MAPT: variants seen among roughly 807,000 people sequenced by gnomAD.
MAPT encodes microtubule-associated protein tau.
In MAPT, 34 loss-of-function variants were observed where a neutral mutation model predicts 67.9. The observed-to-expected ratio is 0.50, with a 90% CI of 0.38 to 0.67. The LOEUF is 0.67. Among genes scored for constraint, MAPT ranks in the 30% least tolerant of loss-of-function variants. MAPT has a pLI of 0.00. For missense variants in MAPT, 881 were observed against 1,115.2 expected (o/e 0.79, Z 2.99); for synonymous variants, 456 against 464.5 (o/e 0.98, Z 0.23).
At chr17:45,934,079 G>A (rs907924588) in intron 1 of MAPT, among the ~76,000 whole-genome samples, 2 of 152,094 alleles carry the variant, frequency 1.3e-5, no homozygotes, top group African/African-American at 4.8e-5. Flanking sequence ...TTATGGTCAT[G>A]GGCCAGGTGT....
rs186536533 is a variant in MAPT at position 45,962,419 on chromosome 17, G to A, written c.82G>A (p.Gly28Ser). The change falls in exon 2 of 13, where the codon GGC becomes AGC. Residue 28 changes from glycine (G) to serine (S), a missense_variant. Transcript: ENST00000262410. ...GTTGGGGGACAGGAAAGATCAGGGG[G>A]GCTACACCATGCACCAAGACCAAGA... is the stretch of plus-strand genomic sequence containing the variant. ...YGLGDRKDQG[G>S]YTMHQDQEGD... is the part of the protein sequence containing the mutation. 2.5e-6 allele frequency: 4 copies of A among 1,612,754 alleles called. No individual in the cohort carries two copies. In the South Asian group the frequency reaches 3.3e-5, roughly 13 times the overall value.
At chr17:45,981,447 G>C (rs975137586) in intron 4 of MAPT, among the ~76,000 whole-genome samples, 1 of 152,218 alleles carries the variant, frequency 6.6e-6, no homozygotes, top group Non-Finnish European at 1.5e-5. Context: ...GGGTTGGTGT[G>C]CAGCAAGCTG....
intron 1 of MAPT, among the ~76,000 whole-genome samples, chr17:45,961,158 G>A (rs905031424): frequency 2.0e-5 from 3 of 150,904 alleles, no homozygotes; most frequent in South Asian, 2.1e-4. Context: ...GCAACAAAGC[G>A]AGACTCTATC....
Position 45,983,597 on chromosome 17 carries a change from A to T in MAPT, c.1018A>T (p.Ile340Phe). ...CCCAGGCTTCCCAGCGGAGGGTGCCATCCCCCTCCCTGTGGATTTCCTCTC... is the reference window on the plus strand; with the variant it reads ...CCCAGGCTTCCCAGCGGAGGGTGCCTTCCCCCTCCCTGTGGATTTCCTCTC... ...SIPGFPAEGA[I>F]PLPVDFLSKV... Residue 340 changes from isoleucine (I) to phenylalanine (F), a missense_variant, in exon 5 of 13, where the codon ATC (isoleucine) becomes TTC (phenylalanine). Ile to Phe is a conservative substitution (Grantham distance 21, BLOSUM62 0). Around this residue, in one of 6 missense-constraint regions of MAPT, gnomAD observed 687 missense variants for 766.1 expected, o/e 0.90. Coordinates refer to ENST00000262410, the MANE Select transcript of MAPT (RefSeq NM_001377265.1). The T allele has an allele frequency of 6.2e-7, 1 of 1,613,248 alleles. No homozygotes were observed. The highest frequency in any genetic ancestry group is 8.5e-7 in the Non-Finnish European group (1 of 1,179,968).
intron 1 of MAPT, among the ~76,000 whole-genome samples, chr17:45,961,900 C>T (rs541799476): frequency 6.6e-6 from 1 of 152,050 alleles, no homozygotes; most frequent in African/African-American, 2.4e-5. Context: ...CTCAGCCTCC[C>T]CAGTAGCTGG....
chr17:45,906,978 C>G lies in MAPT; in HGVS notation c.-18+12292C>G, dbSNP rs948952965. Among the ~76,000 whole-genome samples the G allele has an allele frequency of 6.6e-6, 1 of 152,186 alleles. No homozygotes were observed. The highest frequency in any genetic ancestry group is 1.5e-5 in the Non-Finnish European group (1 of 68,052). On this transcript the variant is annotated intron_variant, in intron 1 of 12. Coordinates refer to ENST00000262410, the MANE Select transcript of MAPT (RefSeq NM_001377265.1). This position sits in a 1 kb window ranked among gnomAD's most constrained non-coding sequence, Gnocchi z 4.3. ...TATGGAAACAATAATGAGTTGTTCC[C>G]TGTTTCAATTCCAAAATTCATATCC...
chr17:45,939,638 G>A (rs996272212), intron 1 of MAPT, among the ~76,000 whole-genome samples: 6 of 152,194 alleles, frequency 3.9e-5, no homozygotes, highest in African/African-American at 1.4e-4. Context: ...TTACGAGGAG[G>A]TTTCTAATTA....
intron 1 of MAPT, among the ~76,000 whole-genome samples, chr17:45,942,170 G>T (rs186509313): frequency 6.6e-6 from 1 of 152,278 alleles, no homozygotes; most frequent in African/African-American, 2.4e-5. Context: ...CCCCTGTTGG[G>T]CATATATACT....
At chr17:45,990,928 G>C (rs62063797) in intron 7 of MAPT, among the ~76,000 whole-genome samples, 22,024 of 152,154 alleles carry the variant, frequency 0.14, 2,119 homozygotes, top group Non-Finnish European at 0.22. Flanking sequence ...TGCTCGCCTG[G>C]TCTGAGCACA....
At chr17:45,980,703 A>G (rs981058344) in intron 4 of MAPT, among the ~76,000 whole-genome samples, 1 of 152,102 alleles carries the variant, frequency 6.6e-6, no homozygotes, top group Non-Finnish European at 1.5e-5. Context: ...CTTGTATTAT[A>G]TCAGAGTACA....
At chr17:45,966,082 T>C (rs1218114834) in intron 2 of MAPT, among the ~76,000 whole-genome samples, 3 of 152,236 alleles carry the variant, frequency 2.0e-5, no homozygotes, top group East Asian at 3.9e-4. Flanking sequence ...GTGCCTCATA[T>C]GGATTGTGCC....
chr17:45,923,063 A>T (rs1013964109), intron 1 of MAPT, among the ~76,000 whole-genome samples: 1 of 152,092 alleles, frequency 6.6e-6, no homozygotes, highest in African/African-American at 2.4e-5. Context: ...CTTGGACCCT[A>T]TGTTCTTATC....
intron 1 of MAPT, among the ~76,000 whole-genome samples, chr17:45,919,626 G>C (rs2065508340): frequency 1.3e-5 from 2 of 152,252 alleles, no homozygotes; most frequent in South Asian, 4.1e-4. Flanking sequence ...GCTTAAACGG[G>C]TTGGGGCGCA....
At chr17:45,970,734 G>A (rs987409583) in intron 2 of MAPT, among the ~76,000 whole-genome samples, 1 of 152,218 alleles carries the variant, frequency 6.6e-6, no homozygotes, top group African/African-American at 2.4e-5. Context: ...AGTGGAACTG[G>A]GACTTGAACC....
chr17:45,922,150 T>G (rs2065797439), intron 1 of MAPT, among the ~76,000 whole-genome samples: 1 of 152,052 alleles, frequency 6.6e-6, no homozygotes, highest in Non-Finnish European at 1.5e-5. Context: ...GTAGCTGGGA[T>G]TACAAGCATG....
At chr17:45,955,137 G>A (rs1043637936) in intron 1 of MAPT, among the ~76,000 whole-genome samples, 12 of 152,134 alleles carry the variant, frequency 7.9e-5, no homozygotes, top group Non-Finnish European at 1.8e-4. Flanking sequence ...TTGAAGCAGC[G>A]GCTCTCCTAA....
At chr17:45,979,442 A>G (rs1221284438) in intron 4 of MAPT, 2 of 152,238 alleles carry the variant, frequency 1.3e-5, no homozygotes, top group African/African-American at 2.4e-5. Flanking sequence ...CTCTGAGGCC[A>G]TCTGATTCTA....
chr17:45,918,526 C>T (rs372833574), intron 1 of MAPT, among the ~76,000 whole-genome samples: 5 of 152,172 alleles, frequency 3.3e-5, no homozygotes, highest in South Asian at 2.1e-4. Flanking sequence ...TAAAGCAGAG[C>T]GCACAGCCAG....
At chr17:45,985,519 A>T (rs1334081206) in intron 5 of MAPT, 2 of 205,280 alleles carry the variant, frequency 9.7e-6, no homozygotes, top group Non-Finnish European at 1.7e-5. Context: ...AAAAAAATAA[A>T]AGACTAAAGT....
Sources: gnomAD v4.1 joint callset for allele counts (sites outside exome capture counted in the v4.1 genomes callset) on GRCh38, gnomAD v4.1.1 for gene constraint, gnomAD v4.1.1 regional missense constraint, Gnocchi (gnomAD v3.1) non-coding constraint, MANE v1.5 for transcripts, NCBI Gene and HGNC (gene_info 2026-07-23, HGNC 2026-07-21) for gene names.